The following KAZN variants were observed in gnomAD, a reference collection of about 807,000 sequenced individuals.
The protein encoded by KAZN is kazrin, periplakin interacting protein, also known as kazrin.
A neutral mutation model predicts 87.4 loss-of-function variants in KAZN; 40 were observed. The observed-to-expected ratio is 0.46, with a 90% CI of 0.36 to 0.60. KAZN has a LOEUF of 0.60. Ranked by LOEUF, KAZN falls within the 20% of genes least tolerant of loss-of-function variation. The pLI is 0.00. For missense variants in KAZN, 898 were observed against 1,073.9 expected, an observed-to-expected ratio of 0.84 and a Z score of 2.29; for synonymous variants, 466 against 458.3, an observed-to-expected ratio of 1.02 and a Z score of -0.22.
chr1:14,838,504 A>C (rs1169073424), intron 1 of KAZN, among the ~76,000 whole-genome samples: 1 of 152,136 alleles, frequency 6.6e-6, no homozygotes, highest in Non-Finnish European at 1.5e-5. Context: ...CCCTCTTGCT[A>C]ACTTTATCTC....
At chr1:15,101,305 C>T (rs12040354) in intron 10 of KAZN, among the ~76,000 whole-genome samples, 22,819 of 151,694 alleles carry the variant, frequency 0.15, 2,507 homozygotes, top group East Asian at 0.54. Context: ...TTCTCTCTCT[C>T]TGTCTCCCTC....
At chr1:14,794,340 T>A (rs1173659329) in intron 1 of KAZN, among the ~76,000 whole-genome samples, 1 of 152,088 alleles carries the variant, frequency 6.6e-6, no homozygotes, top group Non-Finnish European at 1.5e-5. Flanking sequence ...CCTGGTAGAG[T>A]GTCTACTACC....
In KAZN at chr1:13,967,296, C is replaced by T. The variant is rs564784037; in HGVS notation, c.91+73540C>T. Among the ~76,000 whole-genome samples the T allele has an allele frequency of 2.6e-5, 4 of 152,218 alleles. No homozygotes were observed. In the South Asian group the frequency reaches 8.3e-4, roughly 32 times the overall value. ...TAAGAGTGCATTAATTAAGAAGGTGCCCACTCTCACCTACCCTGCAAGGAA... is the reference window on the plus strand; with the variant it reads ...TAAGAGTGCATTAATTAAGAAGGTGTCCACTCTCACCTACCCTGCAAGGAA... On this transcript the variant is annotated intron_variant, in intron 1 of 16. Coordinates refer to the KAZN transcript ENST00000636203.
intron 1 of KAZN, among the ~76,000 whole-genome samples, chr1:14,772,972 C>T (rs1645061384): frequency 6.6e-6 from 1 of 152,080 alleles, no homozygotes; most frequent in African/African-American, 2.4e-5. Context: ...GCAGTTGAGT[C>T]ATCTCTCTTC....
rs1487193079 is a variant in KAZN at position 14,514,397 on chromosome 1, T to TTA, written c.250-84577_250-84576dup. Among the ~76,000 whole-genome samples, 41 of 10,150 alleles carry TTA rather than the reference T, an allele frequency of 4.0e-3. 2 individuals carry two copies. Among genetic ancestry groups the TTA allele is most frequent in the African/African-American group, 0.012 (41 of 3,392 alleles). 6.7% of individuals were successfully genotyped at this position (10,150 alleles called of 152,430 possible). A position where few individuals can be genotyped will look rare whatever the true frequency, so the allele number is the denominator to read the frequency against. On this transcript the variant is annotated intron_variant, in intron 2 of 16. Coordinates refer to the KAZN transcript ENST00000636203. ...TATAATATATATATATTATATATAT[T>TTA]TATATATATAATATATAAATATATA...
chr1:14,604,117 G>A (rs1037845444), intron 1 of KAZN, among the ~76,000 whole-genome samples: 1 of 152,114 alleles, frequency 6.6e-6, no homozygotes, highest in African/African-American at 2.4e-5. Context: ...CCAGAGAATG[G>A]GTTTTTAAGT....
chr1:13,898,346 A>G (rs1352529894), intron 1 of KAZN, among the ~76,000 whole-genome samples: 6 of 152,092 alleles, frequency 3.9e-5, no homozygotes, highest in Admixed American at 3.9e-4. Context: ...CTGGCAGTCT[A>G]TTGGTTGGGT....
At chr1:13,992,627 G>C (rs1639336541) in intron 1 of KAZN, among the ~76,000 whole-genome samples, 1 of 152,124 alleles carries the variant, frequency 6.6e-6, no homozygotes, top group Admixed American at 6.5e-5. Flanking sequence ...CTCTTTATTA[G>C]AGGCAAATTG....
intron 1 of KAZN, among the ~76,000 whole-genome samples, chr1:14,697,293 G>T (rs1188769924): frequency 6.6e-6 from 1 of 151,790 alleles, no homozygotes; most frequent in Non-Finnish European, 1.5e-5. Flanking sequence ...TCACACCACT[G>T]CACTCCAGCC....
At chr1:14,730,958 A>G (rs1363688577) in intron 1 of KAZN, among the ~76,000 whole-genome samples, 1 of 152,164 alleles carries the variant, frequency 6.6e-6, no homozygotes, top group African/African-American at 2.4e-5. Flanking sequence ...CTCAGGCCTC[A>G]TGGATTCCAA....
intron 1 of KAZN, among the ~76,000 whole-genome samples, chr1:13,964,617 T>G (rs1296224625): frequency 6.6e-6 from 1 of 152,158 alleles, no homozygotes; most frequent in Non-Finnish European, 1.5e-5. Flanking sequence ...CCAGGCTTGC[T>G]TTCGTGGTAG....
intron 1 of KAZN, among the ~76,000 whole-genome samples, chr1:14,805,762 AAATAATAATAATAATAATAATAAT>A (rs146219963): frequency 7.0e-6 from 1 of 143,004 alleles, no homozygotes; most frequent in Admixed American, 7.1e-5. Context: ...CCCCATCTCA[AAATAATAATAATAATAATAATAAT>A]AATAATAATA....
intron 2 of KAZN, among the ~76,000 whole-genome samples, chr1:14,339,759 G>A (rs528791985): frequency 1.3e-5 from 2 of 152,290 alleles, no homozygotes; most frequent in Admixed American, 1.3e-4. Context: ...CCCACTTGCA[G>A]CAATACCTAG....
intron 2 of KAZN, among the ~76,000 whole-genome samples, chr1:14,548,239 C>G (rs12755235): frequency 6.7e-6 from 1 of 149,530 alleles, no homozygotes; most frequent in African/African-American, 2.5e-5. Context: ...TGCTCTGTCC[C>G]CCAGACTGGA....
rs35144232 is a variant in KAZN at position 14,569,320 on chromosome 1, CT to C, written c.250-29643del. 6.4e-3 allele frequency among the ~76,000 whole-genome samples: 595 copies of C among 92,290 alleles called. 6 individuals carry two copies. Among genetic ancestry groups the C allele is most frequent in the African/African-American group, 0.024 (532 of 22,036 alleles). The allele number at this position is 92,290 out of a possible 152,430, so 60.5% of individuals were successfully genotyped here. On this transcript the variant is annotated intron_variant, in intron 2 of 16. Transcript: ENST00000636203. ...TCCTCTACCTCCTCTACTTCCTCTG[CT>C]TTTTTTTTTTTTTTTTTTTGAGACG... is the stretch of plus-strand genomic sequence containing the variant.
intron 2 of KAZN, among the ~76,000 whole-genome samples, chr1:14,321,758 A>T (rs1051587208): frequency 2.6e-5 from 4 of 152,200 alleles, no homozygotes; most frequent in African/African-American, 9.7e-5. Flanking sequence ...TTAATCACAT[A>T]GCCCGAATTC....
At chr1:14,427,517 C>T (rs1399453241) in intron 2 of KAZN, among the ~76,000 whole-genome samples, 2 of 151,858 alleles carry the variant, frequency 1.3e-5, no homozygotes, top group African/African-American at 4.8e-5. Context: ...AATTTAAACA[C>T]ACACACACAC....
At chr1:14,387,619 G>T (rs28811110) in intron 2 of KAZN, among the ~76,000 whole-genome samples, 1 of 152,076 alleles carries the variant, frequency 6.6e-6, no homozygotes, top group Non-Finnish European at 1.5e-5. Context: ...TCCCAGTTAG[G>T]CTGCTCGGGG....
At chr1:14,429,892 C>A (rs1012015702) in intron 2 of KAZN, among the ~76,000 whole-genome samples, 18 of 152,106 alleles carry the variant, frequency 1.2e-4, no homozygotes, top group Admixed American at 1.3e-4. Flanking sequence ...GGACATAAAT[C>A]CATTTCACTT....
Sources: allele counts gnomAD v4.1 joint callset (sites outside exome capture counted in the v4.1 genomes callset), GRCh38; gene constraint gnomAD v4.1.1; transcripts MANE v1.5; gene names NCBI Gene and HGNC (gene_info 2026-07-23, HGNC 2026-07-21).